C12orf54: variants seen among roughly 807,000 people sequenced by gnomAD.
C12orf54 encodes uncharacterized protein C12orf54.
C12orf54 carries 24 observed loss-of-function variants against 26.4 expected under a neutral mutation model. The observed-to-expected ratio is 0.91, with a 90% CI of 0.66 to 1.28. The LOEUF (loss-of-function observed/expected upper bound fraction) is 1.28. C12orf54 is among the 50% of genes most tolerant of loss of function. The pLI is 0.00. For missense variants in C12orf54, 154 were observed against 150.9 expected, an observed-to-expected ratio of 1.02 and a Z score of -0.11; for synonymous variants, 54 against 47.0, an observed-to-expected ratio of 1.15 and a Z score of -0.61.
At chr12:48,426,584 A>G in the C12orf54 span, among the ~76,000 whole-genome samples, 1 of 152,136 alleles carries the variant, frequency 6.6e-6, no homozygotes, top group African/African-American at 2.4e-5. Context: ...TTGGTTCCGT[A>G]TGAATTTTAA....
At chr12:48,423,987 G>A in the C12orf54 span, among the ~76,000 whole-genome samples, 2 of 151,938 alleles carry the variant, frequency 1.3e-5, no homozygotes, top group Non-Finnish European at 2.9e-5. Context: ...AAATATATAT[G>A]TCCCTTTACA....
chr12:48,472,641 G>A, the C12orf54 span: 3 of 1,613,512 alleles, frequency 1.9e-6, no homozygotes, highest in East Asian at 4.5e-5. Context: ...TGGCTCAGGA[G>A]CCTCTGCAGA....
the C12orf54 span, among the ~76,000 whole-genome samples, chr12:48,437,440 C>T: frequency 6.6e-6 from 1 of 152,074 alleles, no homozygotes; most frequent in South Asian, 2.1e-4. Context: ...CGGGCAGAGA[C>T]ACAACAAAAA....
At chr12:48,456,031 T>C in the C12orf54 span, among the ~76,000 whole-genome samples, 1 of 152,234 alleles carries the variant, frequency 6.6e-6, no homozygotes, top group Non-Finnish European at 1.5e-5. Context: ...TCACAAAAAG[T>C]ATAAGAGCAT....
intron 4 of C12orf54, chr12:48,488,529 C>A: frequency 5.2e-6 from 2 of 382,914 alleles, no homozygotes; most frequent in Non-Finnish European, 9.7e-6. Context: ...GAACTTTTTC[C>A]AAAGTGAGCA....
chr12:48,423,097 A>G, the C12orf54 span, among the ~76,000 whole-genome samples: 1 of 152,150 alleles, frequency 6.6e-6, no homozygotes, highest in Non-Finnish European at 1.5e-5. Context: ...AACATAAAAC[A>G]GTTTACACCC....
chr12:48,483,165 A>AGACATCT, intron 1 of C12orf54, 75 bp from the exon 2 acceptor site: 1 of 685,788 alleles, frequency 1.5e-6, no homozygotes, highest in Non-Finnish European at 2.5e-6. Flanking sequence ...AACTGCTGGT[A>AGACATCT]GTTCTCCACT....
the C12orf54 span, among the ~76,000 whole-genome samples, chr12:48,470,536 A>T: frequency 1.3e-5 from 2 of 151,998 alleles, no homozygotes; most frequent in Non-Finnish European, 2.9e-5. Context: ...TTGCTTGTTG[A>T]TTTAAGTTCC....
chr12:48,445,874 C>T, the C12orf54 span, among the ~76,000 whole-genome samples: 1 of 152,152 alleles, frequency 6.6e-6, no homozygotes, highest in South Asian at 2.1e-4. Context: ...CAGACCAAAA[C>T]ATCTTAGGTA....
At chr12:48,433,337 T>C in the C12orf54 span, among the ~76,000 whole-genome samples, 2 of 152,130 alleles carry the variant, frequency 1.3e-5, no homozygotes, top group African/African-American at 4.8e-5. Context: ...AAAAAACTAT[T>C]TTGAACTGCC....
chr12:48,422,073 G>GA, the C12orf54 span, among the ~76,000 whole-genome samples: 3 of 151,390 alleles, frequency 2.0e-5, no homozygotes, highest in African/African-American at 4.9e-5. Flanking sequence ...TCCACTCTAA[G>GA]AAAAAAAAGA....
chr12:48,475,897 G>A, the C12orf54 span, among the ~76,000 whole-genome samples: 321 of 151,806 alleles, frequency 2.1e-3, 3 homozygotes, highest in African/African-American at 7.0e-3. Context: ...TACAGAGAAC[G>A]CCACAAAGAT....
the C12orf54 span, among the ~76,000 whole-genome samples, chr12:48,444,996 C>A: frequency 1.3e-5 from 2 of 152,064 alleles, no homozygotes; most frequent in East Asian, 3.9e-4. Context: ...CACAGTGAAA[C>A]CCTGGCTCTA....
At chr12:48,424,346 C>T in the C12orf54 span, among the ~76,000 whole-genome samples, 1 of 151,838 alleles carries the variant, frequency 6.6e-6, no homozygotes, top group Non-Finnish European at 1.5e-5. Flanking sequence ...TATCAGAGTC[C>T]CAAGAAGTGA....
chr12:48,479,006 C>T (rs886306472), upstream of C12orf54, among the ~76,000 whole-genome samples: 2 of 152,098 alleles, frequency 1.3e-5, no homozygotes, highest in African/African-American at 4.8e-5. Flanking sequence ...CCCAGCCATC[C>T]CATTACTGTA....
chr12:48,422,353 C>T, the C12orf54 span, among the ~76,000 whole-genome samples: 1 of 152,230 alleles, frequency 6.6e-6, no homozygotes, highest in African/African-American at 2.4e-5. Context: ...ATAGTTGCTA[C>T]AGTTTCTGCT....
At chr12:48,426,441 G>A in the C12orf54 span, among the ~76,000 whole-genome samples, 3 of 151,994 alleles carry the variant, frequency 2.0e-5, no homozygotes, top group South Asian at 2.1e-4. Flanking sequence ...CATTGGTCTT[G>A]TGTCTGTTTT....
chr12:48,435,646 A>G, the C12orf54 span, among the ~76,000 whole-genome samples: 2 of 152,242 alleles, frequency 1.3e-5, no homozygotes, highest in Non-Finnish European at 2.9e-5. Context: ...CCAGAATTTC[A>G]TATCCAGCCA....
chr12:48,456,955 T>C, the C12orf54 span, among the ~76,000 whole-genome samples: 3 of 152,062 alleles, frequency 2.0e-5, no homozygotes, highest in East Asian at 5.8e-4. Flanking sequence ...CCAAGAATCT[T>C]TCATAGGATG....
Sources: allele counts gnomAD v4.1 joint callset (sites outside exome capture counted in the v4.1 genomes callset), GRCh38; gene constraint gnomAD v4.1.1; transcripts MANE v1.5; gene names NCBI Gene and HGNC (gene_info 2026-07-23, HGNC 2026-07-21).